KIAA1217: variants seen among roughly 807,000 people sequenced by gnomAD.
KIAA1217 encodes KIAA1217, also known as sickle tail protein homolog.
A neutral mutation model predicts 163.9 loss-of-function variants in KIAA1217; 88 were observed. The observed-to-expected ratio is 0.54, with a 90% CI of 0.45 to 0.64. KIAA1217 has a LOEUF of 0.64. Among genes scored for constraint, KIAA1217 ranks in the 30% least tolerant of loss-of-function variants. The pLI, the probability that KIAA1217 is intolerant of heterozygous loss-of-function variation, is 0.00. For synonymous variants in KIAA1217, 903 were observed against 923.1 expected (o/e 0.98, Z 0.39); for missense variants, 2,372 against 2,475.0 (o/e 0.96, Z 0.88).
intron 1 of KIAA1217, among the ~76,000 whole-genome samples, chr10:23,788,269 T>C (rs930512105): frequency 1.3e-5 from 2 of 152,160 alleles, no homozygotes; most frequent in African/African-American, 4.8e-5. Flanking sequence ...TTCTCTTCAT[T>C]TCAATTTGTT....
intron 1 of KIAA1217, among the ~76,000 whole-genome samples, chr10:23,796,432 C>T (rs1165904868): frequency 1.3e-5 from 2 of 151,824 alleles, no homozygotes; most frequent in South Asian, 2.1e-4. Flanking sequence ...GGCATGACCT[C>T]GGCTCACTGC....
intron 2 of KIAA1217, among the ~76,000 whole-genome samples, chr10:24,171,326 G>A (rs1321435271): frequency 3.3e-5 from 5 of 151,992 alleles, no homozygotes; most frequent in Non-Finnish European, 7.3e-5. Flanking sequence ...TCATAAATAG[G>A]GAATATAGCA....
rs986904210 is a variant in KIAA1217, at chr10:23,790,601, A to G, written c.-321+95367A>G. ...TATGTATATGTACATATATACATGT[A>G]CATATATACATATGTATATATACAT... is the stretch of plus-strand genomic sequence containing the variant. On this transcript the variant is annotated intron_variant, in intron 1 of 18. Coordinates refer to the KIAA1217 transcript ENST00000376462. Among the ~76,000 whole-genome samples, 9 of 121,050 alleles carry G rather than the reference A, an allele frequency of 7.4e-5. 2 individuals carry two copies. The highest frequency in any genetic ancestry group is 3.3e-4 in the African/African-American group (9 of 27,168). 79.4% of individuals were successfully genotyped at this position (121,050 alleles called of 152,430 possible). A position where few individuals can be genotyped will look rare whatever the true frequency, so the allele number is the denominator to read the frequency against.
At chr10:24,201,292 C>T (rs1374039979) in intron 2 of KIAA1217, among the ~76,000 whole-genome samples, 1 of 152,050 alleles carries the variant, frequency 6.6e-6, no homozygotes, top group African/African-American at 2.4e-5. Flanking sequence ...AAATTCGTTG[C>T]ACCTTTTTTA....
rs116002238 is a variant in KIAA1217 at position 23,774,658 on chromosome 10, C to T, written c.-321+79424C>T. Among the ~76,000 whole-genome samples the T allele has an allele frequency of 9.1e-3, 1,378 of 152,160 alleles. 14 individuals carry two copies. Among genetic ancestry groups the T allele is most frequent in the African/African-American group, 0.03 (1,236 of 41,508 alleles). ...GGTGCAGTTCAGCTCTAACATCAGC[C>T]AGGGGTGTCCCCAGGCTGTCCACAA... On this transcript the variant is annotated intron_variant, in intron 1 of 18. Transcript: ENST00000376462.
intron 2 of KIAA1217, among the ~76,000 whole-genome samples, chr10:24,128,919 C>T (rs2063557393): frequency 6.6e-6 from 1 of 152,220 alleles, no homozygotes; most frequent in African/African-American, 2.4e-5. Context: ...CCCTCAATGG[C>T]CCTGTTAAAG....
rs541486291 is a variant in KIAA1217, at chr10:24,396,968, AATC to A, written c.553+15902_553+15904del. Among the ~76,000 whole-genome samples, 4 of 152,276 alleles carry A rather than the reference AATC, an allele frequency of 2.6e-5. No individual in the cohort carries two copies. The South Asian group carries it at 8.3e-4, about 32-fold the overall frequency. The stretch of plus-strand genomic sequence containing the variant: ...GGAGACCAGTTAGGAGTCTTGCAAT[AATC>A]CAGGAAGATGGGAGTGTTAGCAGAG... On this transcript the variant is annotated intron_variant, in intron 3 of 20. Coordinates refer to ENST00000376454, the MANE Select transcript of KIAA1217 (RefSeq NM_019590.5).
At chr10:24,490,712 G>C (rs2065995580) in intron 6 of KIAA1217, among the ~76,000 whole-genome samples, 1 of 152,132 alleles carries the variant, frequency 6.6e-6, no homozygotes, top group Non-Finnish European at 1.5e-5. Flanking sequence ...ACTTGTATTC[G>C]GTGCTCTGTG....
chr10:24,001,121 A>G (rs1383398165), intron 1 of KIAA1217, among the ~76,000 whole-genome samples: 1 of 152,182 alleles, frequency 6.6e-6, no homozygotes, highest in African/African-American at 2.4e-5. Flanking sequence ...CAATGTGAGT[A>G]TATTTTAATT....
chr10:24,119,258 G>A (rs2063183350), intron 2 of KIAA1217, among the ~76,000 whole-genome samples: 1 of 152,166 alleles, frequency 6.6e-6, no homozygotes, highest in Non-Finnish European at 1.5e-5. Flanking sequence ...GCAAGCAAAA[G>A]TCTCTTCTGA....
At position 24,473,997 on chromosome 10, in the gene KIAA1217, C is replaced by G; in HGVS notation, c.1616C>G (p.Pro539Arg). The G allele has an allele frequency of 6.2e-7, 1 of 1,612,672 alleles. No individual in the cohort carries two copies. Among genetic ancestry groups the G allele is most frequent in the Non-Finnish European group, 8.5e-7 (1 of 1,179,238 alleles). Residue 539 changes from proline to arginine, a missense_variant, in exon 6 of 21, where the codon CCT becomes CGT. Pro to Arg is a moderately radical substitution (Grantham distance 103). This residue lies in a region of KIAA1217 where 1,431 missense variants were observed against 1,470.3 expected (regional missense o/e 0.97). Coordinates refer to ENST00000376454, the MANE Select transcript of KIAA1217 (RefSeq NM_019590.5). ...GLSSLVDLGPPLMEKQVFAYS... is the reference protein window; with the variant it reads ...GLSSLVDLGPRLMEKQVFAYS... ...TCCAGCCTTGTAGACCTCGGCCCTC[C>G]TCTAATGGAGAAGCAAGTTTTTGCC...
chr10:23,950,115 C>T (rs142779337), intron 1 of KIAA1217, among the ~76,000 whole-genome samples: 2 of 152,222 alleles, frequency 1.3e-5, no homozygotes, highest in African/African-American at 4.8e-5. Context: ...AATCCCACAA[C>T]CCTGAATGAC....
intron 1 of KIAA1217, among the ~76,000 whole-genome samples, chr10:23,935,688 T>C (rs1294574186): frequency 1.3e-5 from 2 of 152,218 alleles, no homozygotes; most frequent in Non-Finnish European, 2.9e-5. Flanking sequence ...ATAATTAATG[T>C]TTATAATAAA....
chr10:24,467,190 T>G (rs2063045930), intron 5 of KIAA1217, among the ~76,000 whole-genome samples: 1 of 152,216 alleles, frequency 6.6e-6, no homozygotes, highest in Non-Finnish European at 1.5e-5. Context: ...AACTCAGACT[T>G]CAGATCTTAA....
chr10:23,787,934 C>T (rs905725849), intron 1 of KIAA1217, among the ~76,000 whole-genome samples: 2 of 152,050 alleles, frequency 1.3e-5, no homozygotes, highest in South Asian at 2.1e-4. Flanking sequence ...GTGGCTCACA[C>T]CTATAATCCC....
rs545457245 is a variant in KIAA1217 at position 23,735,663 on chromosome 10, G to A, written c.-321+40429G>A. Among the ~76,000 whole-genome samples, 286 of 151,866 alleles carry A rather than the reference G, an allele frequency of 1.9e-3. 2 individuals carry two copies. The highest frequency in any genetic ancestry group is 6.8e-3 in the African/African-American group (280 of 41,408). ...TTGCTTTATTCTCATTGGGCTCAAT[G>A]AGATCTTTATATATTATGATTACCA... is the stretch of plus-strand genomic sequence containing the variant. On this transcript the variant is annotated intron_variant, in intron 1 of 18. Transcript: ENST00000376462.
At position 24,082,394 on chromosome 10, in the gene KIAA1217, C is replaced by A. The variant is rs116925096; in HGVS notation, c.-171+75020C>A. Among the ~76,000 whole-genome samples the A allele has an allele frequency of 1.4e-3, 207 of 152,136 alleles. 4 individuals are homozygous for A. In the East Asian group the frequency reaches 0.035, roughly 26 times the overall value. On this transcript the variant is annotated intron_variant, in intron 2 of 18. Transcript: ENST00000376462. Reference sequence around the variant, plus strand: ...TTAGCTATTTTCCCTAATGTTCTCCCCCAAACCCCCACCCCTAACAGGCCC... The same window carrying A: ...TTAGCTATTTTCCCTAATGTTCTCCACCAAACCCCCACCCCTAACAGGCCC...
chr10:23,876,985 TG>T (rs1840726825), intron 1 of KIAA1217, among the ~76,000 whole-genome samples: 1 of 151,974 alleles, frequency 6.6e-6, no homozygotes, highest in African/African-American at 2.4e-5. Flanking sequence ...TGCCATTAAG[TG>T]GCTTGACACC....
intron 1 of KIAA1217, among the ~76,000 whole-genome samples, chr10:23,964,216 CAT>C (rs1171920014): frequency 2.0e-5 from 3 of 151,596 alleles, no homozygotes; most frequent in Non-Finnish European, 4.4e-5. Context: ...AGCTGTTTTT[CAT>C]ATGTTTGTTG....
Sources: allele counts gnomAD v4.1 joint callset (sites outside exome capture counted in the v4.1 genomes callset), GRCh38; gene constraint gnomAD v4.1.1; regional missense constraint gnomAD v4.1.1; transcripts MANE v1.5; gene names NCBI Gene and HGNC (gene_info 2026-07-23, HGNC 2026-07-21).